ADAMTS18: variants seen among roughly 807,000 people sequenced by gnomAD.
ADAMTS18 encodes the protein A disintegrin and metalloproteinase with thrombospondin motifs 18.
In ADAMTS18, 157 loss-of-function variants were observed where a neutral mutation model predicts 165.9. The observed-to-expected ratio is 0.95, with a 90% confidence interval of 0.83 to 1.08. The LOEUF is 1.08. Among genes scored for constraint, ADAMTS18 ranks in the 50% least tolerant of loss-of-function variants. The pLI, the probability that ADAMTS18 is intolerant of heterozygous loss-of-function variation, is 0.00. For synonymous variants in ADAMTS18, 782 were observed against 578.2 expected (o/e 1.35, Z -5.06); for missense variants, 2,040 against 1,534.0 (o/e 1.33, Z -5.51).
intron 16 of ADAMTS18, among the ~76,000 whole-genome samples, chr16:77,318,188 A>G (rs1246481693): frequency 1.3e-5 from 2 of 152,240 alleles, no homozygotes; most frequent in African/African-American, 4.8e-5. Flanking sequence ...GTATTGGTCA[A>G]AATACATGGG....
intron 19 of ADAMTS18, among the ~76,000 whole-genome samples, chr16:77,294,717 A>G (rs1010342673): frequency 3.9e-5 from 6 of 152,142 alleles, no homozygotes; most frequent in African/African-American, 1.4e-4. Context: ...TGTTCCTCTA[A>G]GGAGGATTCT....
chr16:77,370,957 T>C (rs1209856331), intron 3 of ADAMTS18, among the ~76,000 whole-genome samples: 1 of 152,100 alleles, frequency 6.6e-6, no homozygotes, highest in Non-Finnish European at 1.5e-5. Context: ...TTTTAAAATG[T>C]TTATACAAGG....
At chr16:77,322,555 T>A in intron 13 of ADAMTS18, 89 bp from the exon 14 acceptor site, 1 of 1,497,862 alleles carries the variant, frequency 6.7e-7, no homozygotes, top group South Asian at 1.1e-5. Context: ...TAAATTTACT[T>A]AGAAAGCTAT....
At chr16:77,379,976 C>T (rs2057008927) in intron 3 of ADAMTS18, among the ~76,000 whole-genome samples, 2 of 152,194 alleles carry the variant, frequency 1.3e-5, no homozygotes, top group Admixed American at 6.5e-5. Flanking sequence ...TGTCTATGCA[C>T]TCTCAGTCTC....
chr16:77,380,097 T>A (rs2057010504), intron 3 of ADAMTS18, among the ~76,000 whole-genome samples: 1 of 152,188 alleles, frequency 6.6e-6, no homozygotes, highest in Admixed American at 6.6e-5. Context: ...TCACCTGGGA[T>A]GTTCAGCTAC....
chr16:77,363,374 T>A (rs2056744188), intron 6 of ADAMTS18, among the ~76,000 whole-genome samples: 1 of 152,138 alleles, frequency 6.6e-6, no homozygotes, highest in Non-Finnish European at 1.5e-5. Context: ...CAGTATATTT[T>A]TGAAATATCC....
chr16:77,282,771 AC>A lies in ADAMTS18; in HGVS notation c.*1184del, dbSNP rs2055170011. ...AACAATTTTAAACTCATTAATGCCTACCAACAGCTGGCTTCTGATGACTGAA... is the reference window on the plus strand; with the variant it reads ...AACAATTTTAAACTCATTAATGCCTACAACAGCTGGCTTCTGATGACTGAA... On this transcript the variant is annotated 3_prime_UTR_variant, in exon 23 of 23. Transcript: ENST00000282849. The A allele has an allele frequency of 6.6e-6, 1 of 152,556 alleles. No homozygotes were observed. The highest frequency in any genetic ancestry group is 1.5e-5 in the Non-Finnish European group (1 of 68,016). 9.5% of individuals were successfully genotyped at this position (152,556 alleles called of 1,614,324 possible). A position where few individuals can be genotyped will look rare whatever the true frequency, so the allele number is the denominator to read the frequency against.
Position 77,431,507 on chromosome 16 carries a change from T to A in ADAMTS18, c.283A>T (p.Ser95Cys), listed in dbSNP as rs1390663586. 1.2e-6 allele frequency: 2 copies of A among 1,614,064 alleles called. No homozygotes were observed. Among genetic ancestry groups the A allele is most frequent in the East Asian group, 2.2e-5 (1 of 44,894 alleles). ...RKKRSAQNAR[S>C]SLHYRFSAFG... is the part of the protein sequence containing the mutation. The stretch of plus-strand genomic sequence containing the variant: ...GCTGAAAATCGGTAGTGCAGGGAGC[T>A]TCTGGCATTCTGCGCCGATCGCTTT... Residue 95 changes from serine (S) to cysteine (C), a missense_variant, in exon 3 of 23, where the codon AGC becomes TGC. By Grantham distance (112) the Ser-to-Cys change is moderately radical (BLOSUM62 -1). Transcript: ENST00000282849.
intron 3 of ADAMTS18, among the ~76,000 whole-genome samples, chr16:77,380,919 G>A (rs540980269): frequency 3.8e-4 from 58 of 152,152 alleles, no homozygotes; most frequent in African/African-American, 1.3e-3. Flanking sequence ...TGTCACCCAT[G>A]CTGGAGTACA....
At chr16:77,434,392 C>T (rs1323772880) in intron 2 of ADAMTS18, 26 bp downstream of exon 2, 1 of 1,556,902 alleles carries the variant, frequency 6.4e-7, no homozygotes, top group Non-Finnish European at 8.6e-7. Flanking sequence ...AAAGGCCCTT[C>T]TTGGGGATGG....
At chr16:77,399,120 G>A (rs1030316411) in intron 3 of ADAMTS18, among the ~76,000 whole-genome samples, 1 of 152,184 alleles carries the variant, frequency 6.6e-6, no homozygotes, top group African/African-American at 2.4e-5. Context: ...CTAGAAGCTA[G>A]ACCCACCACC....
At chr16:77,353,136 T>G (rs544854010) in intron 10 of ADAMTS18, among the ~76,000 whole-genome samples, 11 of 152,272 alleles carry the variant, frequency 7.2e-5, no homozygotes, top group Admixed American at 4.6e-4. Flanking sequence ...AAGTTGAGAT[T>G]GTAATACTGT....
At chr16:77,320,686 G>C (rs2055980720) in intron 15 of ADAMTS18, among the ~76,000 whole-genome samples, 1 of 152,024 alleles carries the variant, frequency 6.6e-6, no homozygotes, top group South Asian at 2.1e-4. Flanking sequence ...TGTATCTTCA[G>C]TGATGAAATT....
chr16:77,307,302 T>C (rs558862842), intron 16 of ADAMTS18, among the ~76,000 whole-genome samples: 25 of 152,340 alleles, frequency 1.6e-4, no homozygotes, highest in South Asian at 1.2e-3. Context: ...TGTGTTAGAA[T>C]TCAGCCCATT....
chr16:77,416,260 C>T (rs543940882), intron 3 of ADAMTS18, among the ~76,000 whole-genome samples: 1 of 152,156 alleles, frequency 6.6e-6, no homozygotes, highest in South Asian at 2.1e-4. Context: ...GGCAGTGGAG[C>T]CCAGTGGAAG....
intron 3 of ADAMTS18, among the ~76,000 whole-genome samples, chr16:77,426,481 T>C (rs1161722833): frequency 6.6e-6 from 1 of 152,192 alleles, no homozygotes; most frequent in Admixed American, 6.5e-5. Flanking sequence ...AGAGGTTGCA[T>C]TTTGGCAATA....
chr16:77,314,563 G>C (rs1353907600), intron 16 of ADAMTS18, among the ~76,000 whole-genome samples: 1 of 147,636 alleles, frequency 6.8e-6, no homozygotes, highest in African/African-American at 2.5e-5. Context: ...AGTGAGCCAA[G>C]ATTGTGCCAT....
intron 19 of ADAMTS18, 146 bp downstream of exon 19, chr16:77,294,777 G>T (rs2055433694): frequency 1.2e-6 from 1 of 806,802 alleles, no homozygotes; most frequent in East Asian, 2.7e-5. Context: ...AAGAACATTA[G>T]TTAAAATGCA....
At chr16:77,288,356 C>T (rs925740948) in intron 22 of ADAMTS18, among the ~76,000 whole-genome samples, 2 of 151,868 alleles carry the variant, frequency 1.3e-5, no homozygotes, top group Admixed American at 6.6e-5. Flanking sequence ...AGTATCCCAG[C>T]ATGGACTAGG....
Sources: gnomAD v4.1 joint callset for allele counts (sites outside exome capture counted in the v4.1 genomes callset) on GRCh38, gnomAD v4.1.1 for gene constraint, MANE v1.5 for transcripts, NCBI Gene and HGNC (gene_info 2026-07-23, HGNC 2026-07-21) for gene names.